Variants in LRRIQ1 observed in about 807,000 individuals in gnomAD.
The protein encoded by LRRIQ1 is leucine rich repeats and IQ motif containing 1.
In LRRIQ1, 210 loss-of-function variants were observed where a neutral mutation model predicts 211.9. The ratio of observed to expected loss-of-function variants is 0.99; its 90% CI spans 0.89 to 1.11. The LOEUF is 1.11. Among genes scored for constraint, LRRIQ1 ranks in the 50% most tolerant of loss-of-function variants. The probability of loss-of-function intolerance (pLI) is 0.00; values close to 1 mark genes in which losing one functional copy is unlikely to be tolerated. For synonymous variants in LRRIQ1, 699 were observed against 650.1 expected (o/e 1.08, Z -1.14); for missense variants, 2,136 against 1,939.5 (o/e 1.10, Z -1.90).
intron 24 of LRRIQ1, among the ~76,000 whole-genome samples, chr12:85,197,949 A>G (rs1228559850): frequency 8.9e-6 from 1 of 112,242 alleles, no homozygotes; most frequent in Admixed American, 1.2e-4. Flanking sequence ...ATATTTATAT[A>G]TAATTATATA....
At chr12:85,265,641 C>T (rs964953071), downstream of LRRIQ1, among the ~76,000 whole-genome samples, 9 of 151,866 alleles carry the variant, frequency 5.9e-5, no homozygotes, top group African/African-American at 2.2e-4. Context: ...TTAGGGTGTA[C>T]TTAAAATATG....
intron 8 of LRRIQ1, among the ~76,000 whole-genome samples, chr12:85,063,426 A>C (rs1233511032): frequency 6.6e-6 from 1 of 151,740 alleles, no homozygotes; most frequent in Non-Finnish European, 1.5e-5. Flanking sequence ...GTAGGTATAT[A>C]TATATTTATG....
chr12:85,120,962 TTTTG>T lies in LRRIQ1; in HGVS notation c.3378-723_3378-720del, dbSNP rs1012289002. On this transcript the variant is annotated intron_variant, in intron 15 of 26. Transcript: ENST00000393217. Reference sequence around the variant, plus strand: ...TGTTTGTTTGTTTGTTTTTTGTTTTTTTTGTTTGTTTGTTTTTGTTTTTTGAGAT... The same window carrying T: ...TGTTTGTTTGTTTGTTTTTTGTTTTTTTTGTTTGTTTTTGTTTTTTGAGAT... 8.5e-5 allele frequency among the ~76,000 whole-genome samples: 13 copies of T among 152,130 alleles called. No homozygotes were observed. The Middle Eastern group carries it at 0.01, about 119-fold the overall frequency.
chr12:85,080,053 T>C (rs1884106005), intron 11 of LRRIQ1, among the ~76,000 whole-genome samples: 2 of 152,076 alleles, frequency 1.3e-5, no homozygotes, highest in South Asian at 4.1e-4. Context: ...CTTAAGTATG[T>C]TTTTAATACA....
At chr12:85,045,994 T>A in intron 4 of LRRIQ1, 26 bp from the exon 5 acceptor site, 1 of 1,285,024 alleles carries the variant, frequency 7.8e-7, no homozygotes, top group Non-Finnish European at 1.1e-6. Flanking sequence ...TTTTCTTTAA[T>A]CATTGGTACT....
intron 24 of LRRIQ1, among the ~76,000 whole-genome samples, chr12:85,176,308 GTC>G (rs1048954523): frequency 2.6e-4 from 40 of 151,924 alleles, no homozygotes; most frequent in Non-Finnish European, 5.6e-4. Flanking sequence ...CTCTCTGTTT[GTC>G]TGTTATTGGT....
chr12:85,198,162 G>GTTATAT (rs1444217289), intron 24 of LRRIQ1, among the ~76,000 whole-genome samples: 9 of 119,134 alleles, frequency 7.6e-5, no homozygotes, highest in Non-Finnish European at 1.5e-4. Flanking sequence ...TGTATTATAT[G>GTTATAT]TTATATTTAT....
chr12:85,063,415 A>G (rs1469750865), intron 8 of LRRIQ1, among the ~76,000 whole-genome samples: 1 of 151,694 alleles, frequency 6.6e-6, no homozygotes, highest in Admixed American at 6.6e-5. Flanking sequence ...GTGGGTACAT[A>G]GTAGGTATAT....
At chr12:85,201,866 G>T (rs1031772708) in intron 24 of LRRIQ1, among the ~76,000 whole-genome samples, 1 of 151,712 alleles carries the variant, frequency 6.6e-6, no homozygotes, top group Admixed American at 6.6e-5. Context: ...AGTTCCTCTA[G>T]TTATGGGGAT....
chr12:85,266,120 C>A (rs925816557), downstream of LRRIQ1, among the ~76,000 whole-genome samples: 3 of 152,048 alleles, frequency 2.0e-5, no homozygotes, highest in Non-Finnish European at 4.4e-5. Flanking sequence ...GACCATCTTA[C>A]AAAGTCAGGA....
chr12:85,080,714 C>A (rs1884192612), intron 11 of LRRIQ1, among the ~76,000 whole-genome samples: 1 of 149,928 alleles, frequency 6.7e-6, no homozygotes, highest in East Asian at 2.0e-4. Flanking sequence ...TTTATAGTAT[C>A]TAGTATTCAG....
At chr12:85,048,317 TGGGAGGCC>T (rs1483490410) in intron 6 of LRRIQ1, 1 of 152,172 alleles carries the variant, frequency 6.6e-6, no homozygotes, top group Non-Finnish European at 1.5e-5. Context: ...CCCAGCACCT[TGGGAGGCC>T]GAGACGGGTG....
At chr12:85,267,246 T>C (rs1312483925), downstream of LRRIQ1, among the ~76,000 whole-genome samples, 4 of 152,088 alleles carry the variant, frequency 2.6e-5, no homozygotes, top group East Asian at 1.9e-4. Context: ...TTAAGTCACA[T>C]TAGAAATGTA....
intron 13 of LRRIQ1, among the ~76,000 whole-genome samples, chr12:85,100,452 A>T (rs748418140): frequency 1.3e-4 from 20 of 151,704 alleles, no homozygotes; most frequent in Non-Finnish European, 2.2e-4. Flanking sequence ...TTTTCTATTT[A>T]TAATTTTGTT....
At chr12:85,173,817 G>T (rs915105243) in intron 24 of LRRIQ1, among the ~76,000 whole-genome samples, 1 of 152,018 alleles carries the variant, frequency 6.6e-6, no homozygotes, top group African/African-American at 2.4e-5. Flanking sequence ...GGGTTTCAAC[G>T]TATGAATTTT....
At chr12:85,119,636 G>C (rs1887829667) in intron 15 of LRRIQ1, among the ~76,000 whole-genome samples, 1 of 152,264 alleles carries the variant, frequency 6.6e-6, no homozygotes, top group African/African-American at 2.4e-5. Context: ...AGCAACGAAT[G>C]TGAGTTTCTC....
intron 24 of LRRIQ1, among the ~76,000 whole-genome samples, chr12:85,180,083 A>G (rs1289216542): frequency 6.6e-6 from 1 of 151,990 alleles, no homozygotes; most frequent in Admixed American, 6.6e-5. Context: ...ATACTGGCCT[A>G]TTTCCAACTT....
chr12:85,248,747 A>C (rs1895808905), downstream of LRRIQ1, among the ~76,000 whole-genome samples: 1 of 151,870 alleles, frequency 6.6e-6, no homozygotes, highest in Non-Finnish European at 1.5e-5. Flanking sequence ...TCTTAAAGGC[A>C]CTATTCGTGA....
intron 11 of LRRIQ1, among the ~76,000 whole-genome samples, chr12:85,087,014 T>C (rs1884900783): frequency 6.6e-6 from 1 of 152,054 alleles, no homozygotes; most frequent in South Asian, 2.1e-4. Context: ...TACATATGTA[T>C]ACATGTGCCA....
Sources: allele counts gnomAD v4.1 joint callset (sites outside exome capture counted in the v4.1 genomes callset), GRCh38; gene constraint gnomAD v4.1.1; transcripts MANE v1.5; gene names NCBI Gene and HGNC (gene_info 2026-07-23, HGNC 2026-07-21).